Variants in EPHA3 observed in about 807,000 individuals in gnomAD.
The protein encoded by EPHA3 is EPH receptor A3, also known as ephrin type-A receptor 3.
Under a neutral mutation model 107.1 loss-of-function variants are expected in EPHA3, and 42 were observed. The observed-to-expected ratio is 0.39, with a 90% CI of 0.31 to 0.51. EPHA3 has a LOEUF of 0.51. Among genes scored for constraint, EPHA3 ranks in the 20% least tolerant of loss-of-function variants. EPHA3 has a pLI of 0.78. For synonymous variants in EPHA3, 461 were observed against 424.8 expected (o/e 1.09, Z -1.05); for missense variants, 1,183 against 1,211.2 (o/e 0.98, Z 0.35).
chr3:89,158,320 T>C (rs1339066879), intron 2 of EPHA3, among the ~76,000 whole-genome samples: 1 of 152,134 alleles, frequency 6.6e-6, no homozygotes, highest in Non-Finnish European at 1.5e-5. Context: ...GGATTGCCTT[T>C]AATGTTCATG....
At chr3:89,399,284 A>T in intron 6 of EPHA3, 34 bp from the exon 7 acceptor site, 1 of 1,577,724 alleles carries the variant, frequency 6.3e-7, no homozygotes, top group Non-Finnish European at 8.7e-7. Context: ...TGAAGATTTG[A>T]TTTTAACATG....
At chr3:89,130,275 T>G (rs1704178039) in intron 2 of EPHA3, among the ~76,000 whole-genome samples, 1 of 152,198 alleles carries the variant, frequency 6.6e-6, no homozygotes, top group African/African-American at 2.4e-5. Context: ...AGGGGATTAA[T>G]AATAGCATTC....
rs1231064330 is a variant in EPHA3 at position 89,341,050 on chromosome 3, C to T, written c.949C>T (p.Pro317Ser). The part of the protein sequence containing the change: ...ENNYFRADKD[P>S]PSMACTRPPS... Reference sequence around the variant, plus strand: ...TAATTACTTCCGGGCAGACAAAGACCCTCCATCCATGGCTTGTACCCGTGA... The same window carrying T: ...TAATTACTTCCGGGCAGACAAAGACTCTCCATCCATGGCTTGTACCCGTGA... Residue 317 changes from proline to serine, a missense_variant, in exon 4 of 17, where the codon CCT (proline) becomes TCT (serine). Physicochemically the swap from Pro to Ser is moderately conservative, Grantham distance 74. Transcript: ENST00000336596. 1 of 1,613,702 alleles carries T rather than the reference C, an allele frequency of 6.2e-7. No homozygotes were observed. The highest frequency in any genetic ancestry group is 8.5e-7 in the Non-Finnish European group (1 of 1,179,882).
intron 12 of EPHA3, 142 bp downstream of exon 12, chr3:89,429,309 G>A: frequency 1.9e-6 from 1 of 532,566 alleles, no homozygotes; most frequent in Non-Finnish European, 3.2e-6. Flanking sequence ...GACAGAGAAG[G>A]GCTGTAAAAT....
chr3:89,257,885 C>T (rs1220261456), intron 3 of EPHA3, among the ~76,000 whole-genome samples: 2 of 151,872 alleles, frequency 1.3e-5, no homozygotes, highest in African/African-American at 2.4e-5. Flanking sequence ...AACCACTGGC[C>T]AACATGGATG....
chr3:89,150,793 A>G (rs778698672), intron 2 of EPHA3, among the ~76,000 whole-genome samples: 19 of 152,042 alleles, frequency 1.2e-4, no homozygotes, highest in Non-Finnish European at 2.5e-4. Flanking sequence ...TTGTAATTTG[A>G]CATTTTTAGT....
chr3:89,312,791 C>T (rs1046026112), intron 3 of EPHA3, among the ~76,000 whole-genome samples: 1 of 151,848 alleles, frequency 6.6e-6, no homozygotes, highest in Non-Finnish European at 1.5e-5. Context: ...TGTGTCCATA[C>T]CTTCTCATCA....
At chr3:89,270,073 AG>A (rs1426598426) in intron 3 of EPHA3, among the ~76,000 whole-genome samples, 1 of 151,912 alleles carries the variant, frequency 6.6e-6, no homozygotes, top group Non-Finnish European at 1.5e-5. Context: ...AGCCTACTTC[AG>A]GCAGGTAGTA....
intron 3 of EPHA3, among the ~76,000 whole-genome samples, chr3:89,262,737 A>G (rs1705444616): frequency 6.6e-6 from 1 of 152,120 alleles, no homozygotes; most frequent in Admixed American, 6.5e-5. Context: ...TGGAGTCAGA[A>G]GCACTGGAAC....
chr3:89,151,968 G>A (rs1461607052), intron 2 of EPHA3, among the ~76,000 whole-genome samples: 1 of 151,890 alleles, frequency 6.6e-6, no homozygotes, highest in African/African-American at 2.4e-5. Flanking sequence ...CTGCAGAATA[G>A]CTTTTTGTTT....
rs528133562 is a variant in EPHA3, at chr3:89,293,729, G to A, written c.815-47187G>A. ...ATAAGATGTGCCTTGCTTTTCCTTC[G>A]TCTACTGCCACGATTGTAAGTTTCC... On this transcript the variant is annotated intron_variant, in intron 3 of 16. Coordinates refer to ENST00000336596, the MANE Select transcript of EPHA3 (RefSeq NM_005233.6). Among the ~76,000 whole-genome samples the A allele has an allele frequency of 1.6e-4, 24 of 152,008 alleles. No homozygotes were observed. In the East Asian group the frequency reaches 2.3e-3, roughly 15 times the overall value.
chr3:89,113,136 T>A (rs753177330), intron 1 of EPHA3, among the ~76,000 whole-genome samples: 3 of 152,138 alleles, frequency 2.0e-5, no homozygotes, highest in African/African-American at 4.8e-5. Flanking sequence ...GTGTGAAACA[T>A]TCATTATATT....
chr3:89,432,396 T>C (rs1709586766), intron 13 of EPHA3, among the ~76,000 whole-genome samples: 1 of 152,120 alleles, frequency 6.6e-6, no homozygotes, highest in Non-Finnish European at 1.5e-5. Flanking sequence ...TTGTTTTTTG[T>C]TTTTTAGGCA....
At chr3:89,210,668 A>T in intron 3 of EPHA3, 148 bp downstream of exon 3, 12 of 789,352 alleles carry the variant, frequency 1.5e-5, no homozygotes, top group Non-Finnish European at 2.3e-5. Flanking sequence ...ACTAAAATTA[A>T]TTCCATTTGA....
At position 89,177,478 on chromosome 3, in the gene EPHA3, AT is replaced by A. The variant is rs776497484; in HGVS notation, c.154-32379del. ...TGATGTTCCCTCTCCCATTGGTAAG[AT>A]TTCAGTAAACAACTTCAAAGACTGA... On this transcript the variant is annotated intron_variant, in intron 2 of 16. Transcript: ENST00000336596. Among the ~76,000 whole-genome samples the A allele has an allele frequency of 1.1e-4, 17 of 152,276 alleles. No individual in the cohort carries two copies. The East Asian group carries it at 1.9e-3, about 17-fold the overall frequency.
intron 2 of EPHA3, among the ~76,000 whole-genome samples, chr3:89,203,788 TAAATA>T (rs974504177): frequency 3.3e-5 from 5 of 151,092 alleles, no homozygotes; most frequent in Non-Finnish European, 5.9e-5. Flanking sequence ...AAAAAATAAA[TAAATA>T]AAATAAAATA....
chr3:89,243,458 G>A (rs1704956645), intron 3 of EPHA3, among the ~76,000 whole-genome samples: 1 of 152,152 alleles, frequency 6.6e-6, no homozygotes, highest in African/African-American at 2.4e-5. Flanking sequence ...TAACTGGTGT[G>A]AGATGGTATC....
chr3:89,385,201 T>C (rs1708591637), intron 5 of EPHA3, among the ~76,000 whole-genome samples: 1 of 152,258 alleles, frequency 6.6e-6, no homozygotes, highest in South Asian at 2.1e-4. Flanking sequence ...TAATTTCTTA[T>C]TTTAGAGATA....
At chr3:89,258,328 A>C (rs1705334413) in intron 3 of EPHA3, among the ~76,000 whole-genome samples, 1 of 152,210 alleles carries the variant, frequency 6.6e-6, no homozygotes, top group African/African-American at 2.4e-5. Flanking sequence ...TTTTGATTTA[A>C]AATTTTTAAA....
Sources: allele counts gnomAD v4.1 joint callset (sites outside exome capture counted in the v4.1 genomes callset), GRCh38; gene constraint gnomAD v4.1.1; transcripts MANE v1.5; gene names NCBI Gene and HGNC (gene_info 2026-07-23, HGNC 2026-07-21).